Variants in COL4A4 observed in about 807,000 individuals in gnomAD.
The protein encoded by COL4A4 is collagen type IV alpha 4 chain.
Under a neutral mutation model 192.9 loss-of-function variants are expected in COL4A4, and 105 were observed. The observed-to-expected ratio is 0.54, with a 90% CI of 0.46 to 0.64. The LOEUF (loss-of-function observed/expected upper bound fraction) is 0.64. Among genes scored for constraint, COL4A4 ranks in the 30% least tolerant of loss-of-function variants. The pLI is 0.00. For missense variants in COL4A4, 1,967 were observed against 2,169.3 expected (o/e 0.91, Z 1.85); for synonymous variants, 762 against 769.9 (o/e 0.99, Z 0.17).
chr2:227,104,638 C>CTTTAAAACT (rs2060717926), intron 12 of COL4A4, among the ~76,000 whole-genome samples: 1 of 110,338 alleles, frequency 9.1e-6, no homozygotes, highest in African/African-American at 3.4e-5. Context: ...TCTATTAAAA[C>CTTTAAAACT]TTTTTTTTTT....
At chr2:227,009,723 A>AGAGAAGAGAAAAGAGAG (rs1217257460) in intron 46 of COL4A4, among the ~76,000 whole-genome samples, 4 of 46,708 alleles carry the variant, frequency 8.6e-5, no homozygotes, top group African/African-American at 3.7e-4. Flanking sequence ...GGAAAAGAGA[A>AGAGAAGAGAAAAGAGAG]GAGAAGAGAA....
intron 25 of COL4A4, among the ~76,000 whole-genome samples, chr2:227,066,365 A>C (rs1257991028): frequency 2.0e-5 from 3 of 151,782 alleles, no homozygotes; most frequent in Non-Finnish European, 4.4e-5. Context: ...AATACAGAGA[A>C]CGCCACAAAG....
In COL4A4 at chr2:227,059,316, C is replaced by G. The variant is rs1242348316; in HGVS notation, c.2383+89G>C. On this transcript the variant is annotated intron_variant, in intron 28 of 47. Coordinates refer to ENST00000396625, the MANE Select transcript of COL4A4 (RefSeq NM_000092.5). ...GGTAAACTGTTTATATTCTACATGC[C>G]TAAAGCAAAATAATCTAAACGTTCT... The G allele has an allele frequency of 6.1e-6, 7 of 1,147,710 alleles. No homozygotes were observed. In the East Asian group the frequency reaches 1.6e-4, roughly 27 times the overall value. 71.1% of individuals were successfully genotyped at this position (1,147,710 alleles called of 1,614,324 possible). A position where few individuals can be genotyped will look rare whatever the true frequency, so the allele number is the denominator to read the frequency against.
chr2:227,150,019 T>C (rs556909512), intron 1 of COL4A4, among the ~76,000 whole-genome samples: 24 of 152,250 alleles, frequency 1.6e-4, no homozygotes, highest in Non-Finnish European at 3.4e-4. Context: ...ATAGCGATTT[T>C]GTCTTTTTTT....
chr2:227,012,272 A>T lies in COL4A4; in HGVS notation c.4242T>A (p.Asp1414Glu), dbSNP rs374946510. The T allele has an allele frequency of 4.4e-5, 71 of 1,613,956 alleles. No individual in the cohort carries two copies. The highest frequency in any genetic ancestry group is 5.9e-5 in the Non-Finnish European group (70 of 1,179,992). The part of the protein sequence containing the change: ...GPGCKGEPGL[D>E]GRRGVDGVPG... The stretch of plus-strand genomic sequence containing the variant: ...GGACGCCATCCACACCCCTCCTGCC[A>T]TCCAGCCCAGGCTCTCCTTTGCACC... Residue 1414 changes from aspartate (D) to glutamate (E), a missense_variant, in exon 45 of 48, where the codon GAT (aspartate) becomes GAA (glutamate). Coordinates refer to ENST00000396625, the MANE Select transcript of COL4A4 (RefSeq NM_000092.5).
chr2:227,099,779 A>G (rs993850487), intron 17 of COL4A4, 90 bp from the exon 18 acceptor site: 3 of 1,098,288 alleles, frequency 2.7e-6, no homozygotes, highest in Admixed American at 1.9e-5. Flanking sequence ...GATCATGTGC[A>G]CATTCATATA....
At chr2:226,999,897 T>A (rs964709772), downstream of COL4A4, among the ~76,000 whole-genome samples, 1 of 152,236 alleles carries the variant, frequency 6.6e-6, no homozygotes, top group Non-Finnish European at 1.5e-5. Flanking sequence ...TGCCAGGAAG[T>A]TGTGAAATTA....
chr2:227,011,742 A>G (rs896289165), intron 45 of COL4A4, among the ~76,000 whole-genome samples: 1 of 152,198 alleles, frequency 6.6e-6, no homozygotes, highest in Non-Finnish European at 1.5e-5. Flanking sequence ...TGGCTATATG[A>G]TAAGATGAAG....
intron 1 of COL4A4, among the ~76,000 whole-genome samples, chr2:227,158,500 T>C (rs1198222634): frequency 1.3e-5 from 2 of 151,996 alleles, no homozygotes; most frequent in Non-Finnish European, 2.9e-5. Context: ...AAATAAAAAC[T>C]TTTGCTTCTT....
At chr2:227,001,293 A>C (rs186939137), downstream of COL4A4, among the ~76,000 whole-genome samples, 1 of 151,860 alleles carries the variant, frequency 6.6e-6, no homozygotes. Flanking sequence ...ATGGGGTTTC[A>C]CATGTTAGCC....
intron 34 of COL4A4, among the ~76,000 whole-genome samples, chr2:227,049,172 A>G (rs1382044783): frequency 1.3e-5 from 2 of 152,256 alleles, no homozygotes; most frequent in East Asian, 3.8e-4. Flanking sequence ...GTATACCAAG[A>G]TAGTAAAACT....
At chr2:227,133,818 GA>G (rs2062636602) in intron 4 of COL4A4, among the ~76,000 whole-genome samples, 1 of 151,936 alleles carries the variant, frequency 6.6e-6, no homozygotes, top group African/African-American at 2.4e-5. Context: ...TTGAACCCAG[GA>G]GGCAGAGGTT....
chr2:227,129,806 C>A (rs980177315), intron 4 of COL4A4, among the ~76,000 whole-genome samples: 13 of 152,204 alleles, frequency 8.5e-5, no homozygotes, highest in African/African-American at 3.1e-4. Context: ...TAAACATATA[C>A]TCATGGATTA....
At chr2:227,126,066 T>C (rs900698924) in intron 4 of COL4A4, among the ~76,000 whole-genome samples, 1 of 152,120 alleles carries the variant, frequency 6.6e-6, no homozygotes, top group African/African-American at 2.4e-5. Context: ...ATGGAAAATA[T>C]TCGAAAATCA....
At chr2:227,142,204 C>A (rs1196639698) in intron 3 of COL4A4, among the ~76,000 whole-genome samples, 1 of 151,272 alleles carries the variant, frequency 6.6e-6, no homozygotes, top group African/African-American at 2.4e-5. Flanking sequence ...AGTTATTCTA[C>A]GTAAACATTC....
chr2:226,999,205 C>CA (rs1477127842), downstream of COL4A4: 3 of 152,048 alleles, frequency 2.0e-5, no homozygotes, highest in Non-Finnish European at 4.4e-5. Context: ...TGGATTGAAA[C>CA]AAAAAGAGAA....
At chr2:227,164,365 C>A, upstream of COL4A4, 1 of 376,940 alleles carries the variant, frequency 2.7e-6, no homozygotes, top group South Asian at 2.8e-5. This position sits in a 1 kb window ranked among gnomAD's most constrained non-coding sequence, Gnocchi z 4.8. Flanking sequence ...GGCCCCCGGA[C>A]CTTGGGAGCA....
intron 25 of COL4A4, among the ~76,000 whole-genome samples, chr2:227,067,843 C>A (rs1163851062): frequency 8.8e-5 from 13 of 148,392 alleles, no homozygotes; most frequent in Admixed American, 8.1e-4. Flanking sequence ...CAAAAGCTAG[C>A]AGAAGGCAAG....
intron 44 of COL4A4, among the ~76,000 whole-genome samples, chr2:227,019,609 A>G (rs748039625): frequency 1.1e-4 from 17 of 152,266 alleles, no homozygotes; most frequent in Non-Finnish European, 1.3e-4. Context: ...AGTTCTCCAC[A>G]CTGGAATTAA....
Sources: gnomAD v4.1 joint callset for allele counts (sites outside exome capture counted in the v4.1 genomes callset) on GRCh38, gnomAD v4.1.1 for gene constraint, Gnocchi (gnomAD v3.1) non-coding constraint, MANE v1.5 for transcripts, NCBI Gene and HGNC (gene_info 2026-07-23, HGNC 2026-07-21) for gene names.